CHN1: variants seen among roughly 807,000 people sequenced by gnomAD.
The protein encoded by CHN1 is N-chimaerin.
A neutral mutation model predicts 59.5 loss-of-function variants in CHN1; 37 were observed. That is an observed-to-expected ratio of 0.62 (90% CI 0.48 to 0.82). The LOEUF is 0.82. Ranked by LOEUF, CHN1 falls within the 40% of genes least tolerant of loss-of-function variation. The pLI is 0.00. For synonymous variants in CHN1, 206 were observed against 200.4 expected, an observed-to-expected ratio of 1.03 and a Z score of -0.24; for missense variants, 469 against 571.0, an observed-to-expected ratio of 0.82 and a Z score of 1.82.
In CHN1 at chr2:174,944,922, G is replaced by C. The variant is rs1689781072; in HGVS notation, c.80C>G (p.Ala27Gly). The change falls in exon 3 of 13, where the codon GCC (alanine) becomes GGC (glycine). Residue 27 changes from alanine to glycine, a missense_variant. Transcript: ENST00000409900. The stretch of plus-strand genomic sequence containing the variant: ...ACAGGTAATTCTTCGAGGATGAGGG[G>C]CTTCCTGTTGTAGCTGATATACTGT... Reference protein sequence around the residue: ...KSYLYQLQQEAPHPRRITCTC... With the variant: ...KSYLYQLQQEGPHPRRITCTC... 1.3e-6 allele frequency: 2 copies of C among 1,579,390 alleles called. No homozygotes were observed. The highest frequency in any genetic ancestry group is 3.6e-5 in the Admixed American group (2 of 55,142).
chr2:174,955,974 T>A (rs917083497), intron 1 of CHN1, among the ~76,000 whole-genome samples: 3 of 152,184 alleles, frequency 2.0e-5, no homozygotes, highest in Non-Finnish European at 4.4e-5. Context: ...ACTCCAAACC[T>A]CAGCATCATG....
intron 3 of CHN1, among the ~76,000 whole-genome samples, chr2:174,933,765 G>A (rs1477885676): frequency 1.3e-5 from 2 of 152,198 alleles, no homozygotes; most frequent in African/African-American, 4.8e-5. Flanking sequence ...TGGAGGAAAG[G>A]AGAAAATTGC....
chr2:174,892,321 T>A (rs1688077775), intron 5 of CHN1, among the ~76,000 whole-genome samples: 1 of 152,234 alleles, frequency 6.6e-6, no homozygotes, highest in Non-Finnish European at 1.5e-5. Context: ...TATGAAACAA[T>A]CACTTTGTAA....
chr2:174,804,621 G>C lies in CHN1; in HGVS notation c.1103-2809C>G, dbSNP rs182689451. Among the ~76,000 whole-genome samples the C allele has an allele frequency of 4.6e-5, 7 of 152,284 alleles. No homozygotes were observed. In the East Asian group the frequency reaches 1.3e-3, roughly 29 times the overall value. ...AGGTAATAAGAATTTGTTGGATTCT[G>C]GGTATATTTTGAAGGTTGAGTTCAT... On this transcript the variant is annotated intron_variant, in intron 11 of 12. Coordinates refer to ENST00000409900, the MANE Select transcript of CHN1 (RefSeq NM_001822.7).
At chr2:174,919,530 T>C (rs1164049937) in intron 3 of CHN1, among the ~76,000 whole-genome samples, 1 of 152,250 alleles carries the variant, frequency 6.6e-6, no homozygotes, top group Non-Finnish European at 1.5e-5. Context: ...CATTTAAAGA[T>C]CACTGAATCC....
chr2:174,979,407 T>A (rs570080021), intron 1 of CHN1, among the ~76,000 whole-genome samples: 1 of 152,354 alleles, frequency 6.6e-6, no homozygotes, highest in African/African-American at 2.4e-5. Flanking sequence ...TACTAATATA[T>A]GACTTAAGCC....
rs554669305 is a variant in CHN1, at chr2:174,945,353, T to C, written c.59-410A>G. ...GAAACTAAAATCAAGATTTATAGGCTAAATGTAACGAACACACTATTTATA... is the reference window on the plus strand; with the variant it reads ...GAAACTAAAATCAAGATTTATAGGCCAAATGTAACGAACACACTATTTATA... On this transcript the variant is annotated intron_variant, in intron 2 of 12. Coordinates refer to ENST00000409900, the MANE Select transcript of CHN1 (RefSeq NM_001822.7). 4.9e-5 allele frequency: 9 copies of C among 181,968 alleles called. No individual in the cohort carries two copies. In the East Asian group the frequency reaches 1.4e-3, roughly 28 times the overall value. The allele number at this position is 181,968 out of a possible 1,614,324, so 11.3% of individuals were successfully genotyped here.
At chr2:174,893,142 AT>A (rs1688105516) in intron 5 of CHN1, among the ~76,000 whole-genome samples, 1 of 152,242 alleles carries the variant, frequency 6.6e-6, no homozygotes, top group African/African-American at 2.4e-5. Context: ...AGAAAAAGAA[AT>A]TAAAAGCATC....
At chr2:174,805,995 A>G (rs1482075902) in intron 11 of CHN1, among the ~76,000 whole-genome samples, 5 of 152,182 alleles carry the variant, frequency 3.3e-5, no homozygotes, top group Non-Finnish European at 5.9e-5. Context: ...TTCTCCCCTC[A>G]TTACCACAGG....
rs1216427398 is a variant in CHN1, at chr2:174,846,863, A to C, written c.627+17T>G. Reference sequence around the variant, plus strand: ...GTAATATGCATTTCTTAAAAGACTAAAAGCAAATATTCTTACCTTGAAATT... The same window carrying C: ...GTAATATGCATTTCTTAAAAGACTACAAGCAAATATTCTTACCTTGAAATT... On this transcript the variant is annotated intron_variant, in intron 7 of 12. Coordinates refer to ENST00000409900, the MANE Select transcript of CHN1 (RefSeq NM_001822.7). 1 of 1,540,288 alleles carries C rather than the reference A, an allele frequency of 6.5e-7. No homozygotes were observed. The highest frequency in any genetic ancestry group is 2.4e-5 in the East Asian group (1 of 40,824).
intron 10 of CHN1, among the ~76,000 whole-genome samples, chr2:174,809,546 G>T (rs1020532627): frequency 2.0e-5 from 3 of 152,234 alleles, no homozygotes; most frequent in Non-Finnish European, 4.4e-5. Flanking sequence ...AGAGTAACAT[G>T]CCGGGGCTTA....
chr2:174,920,932 C>A, intron 3 of CHN1: 1 of 424,838 alleles, frequency 2.4e-6, no homozygotes, highest in South Asian at 1.7e-5. Flanking sequence ...TGATGGGAGA[C>A]AGTGACAGAT....
chr2:174,815,926 T>A (rs1311541981), intron 8 of CHN1, among the ~76,000 whole-genome samples: 2 of 152,318 alleles, frequency 1.3e-5, no homozygotes, highest in South Asian at 2.1e-4. Flanking sequence ...AAGTTTTTTT[T>A]AAATGCTACT....
At chr2:174,890,220 G>A (rs976356782) in intron 5 of CHN1, among the ~76,000 whole-genome samples, 3 of 152,146 alleles carry the variant, frequency 2.0e-5, no homozygotes, top group Non-Finnish European at 4.4e-5. Flanking sequence ...AAGAGTGAAA[G>A]GGTGGACAAA....
intron 1 of CHN1, among the ~76,000 whole-genome samples, chr2:174,964,257 C>T (rs529423376): frequency 1.1e-4 from 16 of 152,232 alleles, no homozygotes; most frequent in African/African-American, 3.1e-4. Flanking sequence ...TGGGAGATAA[C>T]AAACTCTTTC....
chr2:174,800,860 C>T (rs1684697808), intron 12 of CHN1, among the ~76,000 whole-genome samples: 1 of 152,328 alleles, frequency 6.6e-6, no homozygotes, highest in South Asian at 2.1e-4. Flanking sequence ...CACTTAAATA[C>T]ATCCCAACAG....
At chr2:174,831,878 A>G (rs1472588916) in intron 7 of CHN1, among the ~76,000 whole-genome samples, 1 of 152,150 alleles carries the variant, frequency 6.6e-6, no homozygotes, top group African/African-American at 2.4e-5. Context: ...CCCTAAGGTT[A>G]TATTATGTAG....
At chr2:174,916,978 G>T (rs1177134244) in intron 4 of CHN1, among the ~76,000 whole-genome samples, 1 of 152,180 alleles carries the variant, frequency 6.6e-6, no homozygotes, top group Non-Finnish European at 1.5e-5. Context: ...GATCAACTGA[G>T]GTCAGGAGTT....
rs371593822 is a variant in CHN1 at position 174,944,935 on chromosome 2, G to A, written c.67C>T (p.Leu23=). The part of the protein sequence containing the change: ...PPVWKSYLYQ[L]QQEAPHPRRI... Reference sequence around the variant, plus strand: ...CGAGGATGAGGGGCTTCCTGTTGTAGCTGATATACTGTGAGAAGGTAGAAA... The same window carrying A: ...CGAGGATGAGGGGCTTCCTGTTGTAACTGATATACTGTGAGAAGGTAGAAA... The change falls in exon 3 of 13, where the codon CTA becomes TTA. Residue 23 remains leucine (L), a synonymous_variant. Coordinates refer to ENST00000409900, the MANE Select transcript of CHN1 (RefSeq NM_001822.7). 745 of 1,574,960 alleles carry A rather than the reference G, an allele frequency of 4.7e-4. 8 individuals are homozygous for A. In the South Asian group the frequency reaches 7.8e-3, roughly 16 times the overall value.
Sources: allele counts gnomAD v4.1 joint callset (sites outside exome capture counted in the v4.1 genomes callset), GRCh38; gene constraint gnomAD v4.1.1; transcripts MANE v1.5; gene names NCBI Gene and HGNC (gene_info 2026-07-23, HGNC 2026-07-21).